CACNA2D3: variants seen among roughly 807,000 people sequenced by gnomAD.
CACNA2D3 encodes the protein voltage-dependent calcium channel subunit alpha-2/delta-3.
Under a neutral mutation model 160.6 loss-of-function variants are expected in CACNA2D3, and 60 were observed. That is an observed-to-expected ratio of 0.37 (90% confidence interval 0.30 to 0.46). The LOEUF is 0.46. Ranked by LOEUF, CACNA2D3 falls within the 20% of genes least tolerant of loss-of-function variation. The pLI, the probability that CACNA2D3 is intolerant of heterozygous loss-of-function variation, is 1.00. For missense variants in CACNA2D3, 1,205 were observed against 1,365.0 expected (o/e 0.88, Z 1.85); for synonymous variants, 558 against 492.9 (o/e 1.13, Z -1.75).
chr3:55,006,885 C>T (rs1703106121), intron 32 of CACNA2D3, among the ~76,000 whole-genome samples: 1 of 152,188 alleles, frequency 6.6e-6, no homozygotes, highest in Non-Finnish European at 1.5e-5. Context: ...GCTGCAGAAG[C>T]AAGGATTTGG....
At position 54,723,876 on chromosome 3, in the gene CACNA2D3, A is replaced by G. The variant is rs186654937; in HGVS notation, c.1168-28723A>G. Among the ~76,000 whole-genome samples, 4 of 152,328 alleles carry G rather than the reference A, an allele frequency of 2.6e-5. No individual in the cohort carries two copies. The East Asian group carries it at 7.7e-4, about 29-fold the overall frequency. On this transcript the variant is annotated intron_variant, in intron 11 of 37. Coordinates refer to ENST00000474759, the MANE Select transcript of CACNA2D3 (RefSeq NM_018398.3). ...ACTGCATCAACTAACAGACAAAACAACCAGCTAGCATCATAATGACAGGAT... is the reference window on the plus strand; with the variant it reads ...ACTGCATCAACTAACAGACAAAACAGCCAGCTAGCATCATAATGACAGGAT...
intron 4 of CACNA2D3, among the ~76,000 whole-genome samples, chr3:54,488,061 G>C (rs73841604): frequency 0.11 from 17,094 of 152,184 alleles, 2,136 homozygotes; most frequent in African/African-American, 0.3. Context: ...AATAGGCTTC[G>C]AGGCAGGATG....
At chr3:54,569,884 T>C in intron 7 of CACNA2D3, 29 bp downstream of exon 7, 1 of 1,610,494 alleles carries the variant, frequency 6.2e-7, no homozygotes, top group Non-Finnish European at 8.5e-7. Context: ...TCTTTGTTAT[T>C]TCTCAAAGAG....
intron 12 of CACNA2D3, among the ~76,000 whole-genome samples, chr3:54,757,430 A>G (rs1347929386): frequency 1.3e-5 from 2 of 152,146 alleles, no homozygotes; most frequent in East Asian, 1.9e-4. Context: ...ACCTCATTAT[A>G]TCTTTCCACA....
At chr3:55,004,928 T>C in intron 32 of CACNA2D3, 90 bp downstream of exon 32, 4 of 902,562 alleles carry the variant, frequency 4.4e-6, no homozygotes, top group Non-Finnish European at 6.9e-6. Context: ...AGTAATCAAG[T>C]TTATCTTTTT....
At position 54,301,328 on chromosome 3, in the gene CACNA2D3, G is replaced by A. The variant is rs117898887; in HGVS notation, c.205-19114G>A. Among the ~76,000 whole-genome samples, 567 of 151,994 alleles carry A rather than the reference G, an allele frequency of 3.7e-3. 16 individuals carry two copies. The East Asian group carries it at 0.061, about 16-fold the overall frequency. On this transcript the variant is annotated intron_variant, in intron 2 of 37. Coordinates refer to ENST00000474759, the MANE Select transcript of CACNA2D3 (RefSeq NM_018398.3). ...AAAAAAAAAAAAGAGGCCGGGGATG[G>A]CGGCTCACACCTGTAGTCCCAGCAC...
intron 9 of CACNA2D3, chr3:54,626,190 A>T (rs1559530767): frequency 5.4e-6 from 4 of 745,560 alleles, no homozygotes; most frequent in Non-Finnish European, 9.5e-6. Context: ...CGGACCAGAG[A>T]GCTCTTTTCT....
At chr3:54,495,322 G>T (rs1227893305) in intron 4 of CACNA2D3, among the ~76,000 whole-genome samples, 1 of 152,152 alleles carries the variant, frequency 6.6e-6, no homozygotes, top group African/African-American at 2.4e-5. Flanking sequence ...AAAAAGAATT[G>T]AAAGGTCTTT....
intron 2 of CACNA2D3, among the ~76,000 whole-genome samples, chr3:54,224,428 T>C (rs1248884295): frequency 2.0e-5 from 3 of 152,248 alleles, no homozygotes; most frequent in African/African-American, 7.2e-5. Context: ...TTCTGTGTGA[T>C]TGGCATTGTA....
chr3:54,856,976 T>C (rs1040465851), intron 17 of CACNA2D3, among the ~76,000 whole-genome samples: 1 of 152,184 alleles, frequency 6.6e-6, no homozygotes, highest in Non-Finnish European at 1.5e-5. Flanking sequence ...AAACAGGGTT[T>C]CATCATGTTG....
intron 34 of CACNA2D3, among the ~76,000 whole-genome samples, chr3:55,017,039 T>C (rs530819391): frequency 6.6e-6 from 1 of 152,296 alleles, no homozygotes; most frequent in African/African-American, 2.4e-5. Flanking sequence ...ACCAGTTATA[T>C]TTGGAATGTA....
intron 11 of CACNA2D3, among the ~76,000 whole-genome samples, chr3:54,691,611 A>G (rs1292220712): frequency 6.6e-6 from 1 of 152,206 alleles, no homozygotes; most frequent in Non-Finnish European, 1.5e-5. Flanking sequence ...AAAAGTAATT[A>G]TAATACTCTC....
chr3:54,372,452 C>T (rs983876762), intron 3 of CACNA2D3, among the ~76,000 whole-genome samples: 3 of 152,032 alleles, frequency 2.0e-5, no homozygotes, highest in Admixed American at 6.6e-5. Context: ...GGGGAAAATA[C>T]GAGCAAAACA....
At chr3:54,766,196 GATAAA>G (rs2107102987) in intron 13 of CACNA2D3, among the ~76,000 whole-genome samples, 1 of 152,048 alleles carries the variant, frequency 6.6e-6, no homozygotes, top group African/African-American at 2.4e-5. Context: ...AAAGACAAAT[GATAAA>G]ATAGGAGAAA....
At chr3:54,563,294 T>C (rs1265100783) in intron 6 of CACNA2D3, among the ~76,000 whole-genome samples, 1 of 152,218 alleles carries the variant, frequency 6.6e-6, no homozygotes, top group Admixed American at 6.5e-5. Context: ...ATTATTATTA[T>C]TGGGGAAAAG....
chr3:54,284,269 A>C, intron 2 of CACNA2D3, among the ~76,000 whole-genome samples: 1 of 151,794 alleles, frequency 6.6e-6, no homozygotes, highest in East Asian at 1.9e-4. Context: ...AAGTATAATA[A>C]TAATAAAAAA....
At chr3:54,313,086 G>A (rs1449584196) in intron 2 of CACNA2D3, among the ~76,000 whole-genome samples, 1 of 152,102 alleles carries the variant, frequency 6.6e-6, no homozygotes, top group Non-Finnish European at 1.5e-5. Flanking sequence ...TTCATTATGT[G>A]CAGGCACTGT....
intron 2 of CACNA2D3, among the ~76,000 whole-genome samples, chr3:54,245,837 A>ATGAT (rs1199594488): frequency 1.3e-5 from 2 of 152,204 alleles, no homozygotes; most frequent in African/African-American, 2.4e-5. Context: ...CAATGCAAGA[A>ATGAT]TGATTACTTT....
intron 2 of CACNA2D3, among the ~76,000 whole-genome samples, chr3:54,183,849 C>G (rs1700827849): frequency 7.5e-6 from 1 of 132,610 alleles, no homozygotes; most frequent in Non-Finnish European, 1.5e-5. Flanking sequence ...TGCGCCACTG[C>G]ACTCGAGCCT....
Sources: gnomAD v4.1 joint callset for allele counts (sites outside exome capture counted in the v4.1 genomes callset) on GRCh38, gnomAD v4.1.1 for gene constraint, MANE v1.5 for transcripts, NCBI Gene and HGNC (gene_info 2026-07-23, HGNC 2026-07-21) for gene names.